Variants in MS4A14 observed in about 807,000 individuals in gnomAD.
MS4A14 encodes membrane-spanning 4-domains subfamily A member 14.
Under a neutral mutation model 16.7 loss-of-function variants are expected in MS4A14, and 18 were observed. That is an observed-to-expected ratio of 1.08 (90% CI 0.75 to 1.60). MS4A14 has a LOEUF of 1.60. Among genes scored for constraint, MS4A14 ranks in the 40% most tolerant of loss-of-function variants. MS4A14 has a pLI of 0.00. For synonymous variants in MS4A14, 305 were observed against 289.4 expected (o/e 1.05, Z -0.55); for missense variants, 812 against 775.3 (o/e 1.05, Z -0.56).
chr11:60,401,827 C>T (rs2085718237), intron 3 of MS4A14, among the ~76,000 whole-genome samples: 1 of 152,152 alleles, frequency 6.6e-6, no homozygotes, highest in Non-Finnish European at 1.5e-5. Context: ...GAGAGATGGC[C>T]TATCTATATG....
intron 4 of MS4A14, among the ~76,000 whole-genome samples, chr11:60,408,769 G>A (rs2085825101): frequency 2.6e-5 from 4 of 152,116 alleles, no homozygotes; most frequent in Admixed American, 2.6e-4. Flanking sequence ...GAACATTGGT[G>A]TAAAAATATC....
Position 60,405,987 on chromosome 11 carries a change from G to A in MS4A14, c.468+2926G>A, listed in dbSNP as rs951587904. 9 of 1,504,440 alleles carry A rather than the reference G, an allele frequency of 6.0e-6. No homozygotes were observed. The African/African-American group carries it at 9.8e-5, about 16-fold the overall frequency. The allele number at this position is 1,504,440 out of a possible 1,614,324, so 93.2% of individuals were successfully genotyped here. A position where few individuals can be genotyped will look rare whatever the true frequency, so the allele number is the denominator to read the frequency against. On this transcript the variant is annotated intron_variant, in intron 4 of 4. Coordinates refer to ENST00000300187, the MANE Select transcript of MS4A14 (RefSeq NM_032597.5). ...GCAAGTGCTGGACACAGTCAGATGA[G>A]GTGTGTTCTGATGTCTCTTAATATT...
chr11:60,415,868 A>G lies in MS4A14; in HGVS notation c.900A>G (p.Ser300=), dbSNP rs570087407. ...AGCTTCTGCAGGACCAAGCTGCGTCACTCCAAGTTTTTCCATCCCATTCTG... is the reference window on the plus strand; with the variant it reads ...AGCTTCTGCAGGACCAAGCTGCGTCGCTCCAAGTTTTTCCATCCCATTCTG... The part of the protein sequence containing the change: ...QTKLLQDQAA[S]LQVFPSHSAL... The change falls in exon 5 of 5, where the codon TCA becomes TCG. Residue 300 remains serine, a synonymous_variant. Coordinates refer to ENST00000300187, the MANE Select transcript of MS4A14 (RefSeq NM_032597.5). The G allele has an allele frequency of 6.2e-7, 1 of 1,613,934 alleles. No homozygotes were observed. The highest frequency in any genetic ancestry group is 1.1e-5 in the South Asian group (1 of 91,082).
chr11:60,398,969 G>T (rs1201665332), intron 2 of MS4A14, among the ~76,000 whole-genome samples: 2 of 152,140 alleles, frequency 1.3e-5, no homozygotes, highest in Non-Finnish European at 2.9e-5. Flanking sequence ...CTGCATGTGT[G>T]AATTAAAATG....
Position 60,415,483 on chromosome 11 carries a change from C to A in MS4A14, c.515C>A (p.Pro172His). 6.2e-7 allele frequency: 1 copy of A among 1,613,070 alleles called. No homozygotes were observed. The highest frequency in any genetic ancestry group is 8.5e-7 in the Non-Finnish European group (1 of 1,179,548). ...PSDVTQNSEQ[P>H]APEENDQLQF... is the part of the protein sequence containing the mutation. ...GATGTTACTCAAAATAGTGAACAAC[C>A]TGCCCCAGAAGAAAATGATCAATTA... Residue 172 changes from proline to histidine, a missense_variant, in exon 5 of 5, where the codon CCT (proline) becomes CAT (histidine). Transcript: ENST00000300187.
At chr11:60,404,209 C>T (rs747440656) in intron 4 of MS4A14, among the ~76,000 whole-genome samples, 10 of 152,208 alleles carry the variant, frequency 6.6e-5, no homozygotes, top group Non-Finnish European at 1.3e-4. Context: ...TTCCTGCTGT[C>T]CATGGATGGG....
At position 60,417,080 on chromosome 11, in the gene MS4A14, G is replaced by A. The variant is rs2135160043; in HGVS notation, c.*72G>A. The A allele has an allele frequency of 6.6e-7, 1 of 1,520,632 alleles. No homozygotes were observed. Among genetic ancestry groups the A allele is most frequent in the Non-Finnish European group, 8.8e-7 (1 of 1,138,902 alleles). The allele number at this position is 1,520,632 out of a possible 1,614,324, so 94.2% of individuals were successfully genotyped here. ...TGAAATGAAGCACTGGCAAACACAG[G>A]ATCTATTAGAGAAAGAAGCCCTAAA... On this transcript the variant is annotated 3_prime_UTR_variant, in exon 5 of 5. Transcript: ENST00000300187.
intron 4 of MS4A14, chr11:60,405,823 C>T: frequency 8.2e-7 from 1 of 1,226,480 alleles, no homozygotes; most frequent in Non-Finnish European, 1.1e-6. Context: ...AAGGGGTTCT[C>T]AGCTTATATA....
At chr11:60,397,269 C>T (rs1308827207) in intron 1 of MS4A14, among the ~76,000 whole-genome samples, 1 of 152,136 alleles carries the variant, frequency 6.6e-6, no homozygotes, top group Non-Finnish European at 1.5e-5. Context: ...CAGATTCCTA[C>T]AAGCTGATAG....
At chr11:60,403,110 T>C (rs754129236) in intron 4 of MS4A14, 49 bp downstream of exon 4, 12 of 1,563,474 alleles carry the variant, frequency 7.7e-6, no homozygotes, top group Non-Finnish European at 1.1e-5. Flanking sequence ...TTCTCTGAAC[T>C]GTGTCCATGA....
chr11:60,416,902 A>C lies in MS4A14; in HGVS notation c.1934A>C (p.Glu645Ala). The C allele has an allele frequency of 6.2e-7, 1 of 1,613,804 alleles. No individual in the cohort carries two copies. The highest frequency in any genetic ancestry group is 8.5e-7 in the Non-Finnish European group (1 of 1,179,800). The change falls in exon 5 of 5, where the codon GAA becomes GCA. Residue 645 changes from glutamate (E) to alanine (A), a missense_variant. Coordinates refer to ENST00000300187, the MANE Select transcript of MS4A14 (RefSeq NM_032597.5). ...KVPKLLCQDS[E>A]SQIQQYQFWQ... Reference sequence around the variant, plus strand: ...CCAAAACTGTTATGCCAAGATTCAGAATCCCAAATACAGCAATACCAATTC... The same window carrying C: ...CCAAAACTGTTATGCCAAGATTCAGCATCCCAAATACAGCAATACCAATTC...
chr11:60,404,034 G>A (rs1049794374), intron 4 of MS4A14, among the ~76,000 whole-genome samples: 12 of 152,134 alleles, frequency 7.9e-5, no homozygotes, highest in African/African-American at 1.7e-4. Context: ...CAACATAAGC[G>A]ATAAAACCCT....
intron 3 of MS4A14, among the ~76,000 whole-genome samples, chr11:60,401,786 C>T (rs2085717383): frequency 6.6e-6 from 1 of 152,112 alleles, no homozygotes; most frequent in Admixed American, 6.5e-5. Context: ...AAAATAGAGC[C>T]TTGAGAAAAC....
chr11:60,410,839 T>G (rs10792273), intron 4 of MS4A14, among the ~76,000 whole-genome samples: 39,847 of 152,004 alleles, frequency 0.26, 5,361 homozygotes, highest in Non-Finnish European at 0.29. Flanking sequence ...GGGTTTTTTT[T>G]TTTGTTTGTT....
intron 4 of MS4A14, among the ~76,000 whole-genome samples, chr11:60,414,452 T>C (rs1202966250): frequency 1.3e-5 from 2 of 152,118 alleles, no homozygotes; most frequent in Admixed American, 6.6e-5. Context: ...TCTGATCCAC[T>C]TCATCAAATA....
intron 4 of MS4A14, among the ~76,000 whole-genome samples, chr11:60,405,693 A>G (rs1163217253): frequency 1.3e-5 from 2 of 152,156 alleles, no homozygotes; most frequent in Non-Finnish European, 2.9e-5. Context: ...CCCAGCTCCC[A>G]TGGACATTGG....
At chr11:60,400,656 A>C (rs2085699916) in intron 3 of MS4A14, among the ~76,000 whole-genome samples, 1 of 152,190 alleles carries the variant, frequency 6.6e-6, no homozygotes, top group Non-Finnish European at 1.5e-5. Flanking sequence ...GGTCAAGTAA[A>C]CTAAAAGAGT....
Position 60,397,895 on chromosome 11 carries a change from C to T in MS4A14, c.182C>T (p.Thr61Ile), listed in dbSNP as rs147119308. The T allele has an allele frequency of 6.3e-5, 101 of 1,613,288 alleles. No individual in the cohort carries two copies. In the African/African-American group the frequency reaches 1.3e-3, roughly 21 times the overall value. Residue 61 changes from threonine to isoleucine, a missense_variant, in exon 2 of 5, where the codon ACT becomes ATT. Physicochemically the swap from Thr to Ile is moderately conservative, Grantham distance 89. Transcript: ENST00000300187. Reference protein sequence around the residue: ...LLALIIVGFGTIFALNYIGFS... With the variant: ...LLALIIVGFGIIFALNYIGFS... ...GCTCTAATCATTGTGGGCTTTGGAA[C>T]TATATTTGCACTTAATTACATCGGT...
At chr11:60,407,580 A>G (rs1295823481) in intron 4 of MS4A14, among the ~76,000 whole-genome samples, 1 of 152,192 alleles carries the variant, frequency 6.6e-6, no homozygotes, top group Non-Finnish European at 1.5e-5. Context: ...CCATATCATT[A>G]ACACTTGAAA....
Sources: gnomAD v4.1 joint callset for allele counts (sites outside exome capture counted in the v4.1 genomes callset) on GRCh38, gnomAD v4.1.1 for gene constraint, MANE v1.5 for transcripts, NCBI Gene and HGNC (gene_info 2026-07-23, HGNC 2026-07-21) for gene names.